The following ZBP1 variants were observed in gnomAD, a reference collection of about 807,000 sequenced individuals.
ZBP1 encodes Z-DNA-binding protein 1.
A neutral mutation model predicts 41.1 loss-of-function variants in ZBP1; 42 were observed. That is an observed-to-expected ratio of 1.02 (90% CI 0.80 to 1.32). The LOEUF is 1.32. Among genes scored for constraint, ZBP1 ranks in the 40% most tolerant of loss-of-function variants. The pLI, the probability that ZBP1 is intolerant of heterozygous loss-of-function variation, is 0.00. For missense variants in ZBP1, 562 were observed against 549.7 expected, an observed-to-expected ratio of 1.02 and a Z score of -0.22; for synonymous variants, 214 against 205.2, an observed-to-expected ratio of 1.04 and a Z score of -0.37.
rs754817223 is a variant in ZBP1 at position 57,616,341 on chromosome 20, C to G, written c.162G>C (p.Lys54Asn). Residue 54 changes from lysine (K) to asparagine (N), a missense_variant, in exon 2 of 8, where the codon AAG becomes AAC. Physicochemically the swap from Lys to Asn is moderately conservative, Grantham distance 94 (BLOSUM62 0). Coordinates refer to ENST00000371173, the MANE Select transcript of ZBP1 (RefSeq NM_030776.3). ...GGGATGTGAGGGAGACTTTCAACTC[C>G]TTTTTCATTCGGTAGAGGACTTGGT... is the stretch of plus-strand genomic sequence containing the variant. Reference protein sequence around the residue: ...ELNQVLYRMKKELKVSLTSPA... With the variant: ...ELNQVLYRMKNELKVSLTSPA... The G allele has an allele frequency of 2.5e-6, 4 of 1,614,192 alleles. No homozygotes were observed. The highest frequency in any genetic ancestry group is 1.1e-5 in the South Asian group (1 of 91,086).
chr20:57,617,481 C>T (rs976009882), intron 1 of ZBP1: 1 of 152,396 alleles, frequency 6.6e-6, no homozygotes, highest in Admixed American at 6.5e-5. Flanking sequence ...GTTGTACCTT[C>T]AGCATCTAGC....
chr20:57,619,520 A>G (rs143404153), intron 1 of ZBP1, among the ~76,000 whole-genome samples: 1 of 152,374 alleles, frequency 6.6e-6, no homozygotes, highest in African/African-American at 2.4e-5. Flanking sequence ...CAACTCTTCC[A>G]GGAATAAAAT....
Position 57,610,791 on chromosome 20 carries a change from G to C in ZBP1, c.875-424C>G. The C allele has an allele frequency of 3.7e-6, 1 of 266,746 alleles. No individual in the cohort carries two copies. Among genetic ancestry groups the C allele is most frequent in the South Asian group, 4.3e-5 (1 of 23,504 alleles). 16.5% of individuals were successfully genotyped at this position (266,746 alleles called of 1,614,324 possible). On this transcript the variant is annotated intron_variant, in intron 6 of 7. Coordinates refer to ENST00000371173, the MANE Select transcript of ZBP1 (RefSeq NM_030776.3). This position sits in a 1 kb window ranked among gnomAD's most constrained non-coding sequence, Gnocchi z 5.5. ...GCCCTTTCCCACCCAAACTTCTGAA[G>C]AATCATCCACACTGAGTCCCGCCCC...
At position 57,610,329 on chromosome 20, in the gene ZBP1, C is replaced by G; in HGVS notation, c.913G>C (p.Ala305Pro). 1.2e-6 allele frequency: 2 copies of G among 1,614,164 alleles called. No homozygotes were observed. Among genetic ancestry groups the G allele is most frequent in the Non-Finnish European group, 1.7e-6 (2 of 1,180,020 alleles). ...TGAGTTCCTGGACTGGGAATTCTTG[C>G]TTCAAACGAAGCTTCTGGGCCGGCA... is the stretch of plus-strand genomic sequence containing the variant. ...TAAGPEASFE[A>P]RIPSPGTHPE... The change falls in exon 7 of 8, where the codon GCA (alanine) becomes CCA (proline). Residue 305 changes from alanine to proline, a missense_variant. Transcript: ENST00000371173. This position sits in a 1 kb window ranked among gnomAD's most constrained non-coding sequence, Gnocchi z 5.5.
intron 5 of ZBP1, chr20:57,612,746 G>T: frequency 7.4e-6 from 2 of 270,282 alleles, no homozygotes; most frequent in Non-Finnish European, 6.0e-6. Flanking sequence ...GGAAAGTAGC[G>T]TGTCTCAGAA....
Position 57,604,599 on chromosome 20 carries a change from C to T in ZBP1, c.1264G>A (p.Gly422Arg), listed in dbSNP as rs751574355. 3.1e-6 allele frequency: 5 copies of T among 1,614,116 alleles called. No individual in the cohort carries two copies. In the East Asian group the frequency reaches 6.7e-5, roughly 22 times the overall value. Residue 422 changes from glycine (G) to arginine (R), a missense_variant, in exon 8 of 8, where the codon GGG becomes AGG. By Grantham distance (125) the Gly-to-Arg change is moderately radical. Transcript: ENST00000371173. ...TAAATCCCACCTCCCCACCAGCTCCCCTCGTGTGAGGCTTCATCCACATAG... is the reference window on the plus strand; with the variant it reads ...TAAATCCCACCTCCCCACCAGCTCCTCTCGTGTGAGGCTTCATCCACATAG... Reference protein sequence around the residue: ...SHYVDEASHEGSWWGGGI With the variant: ...SHYVDEASHERSWWGGGI
Position 57,610,264 on chromosome 20 carries a change from C to A in ZBP1, c.978G>T (p.Ser326=). ...CGATGGTGGCGTCCTCGAGAAAGCACGATTTCATGTGGATTCTCTGGGCGG... is the reference window on the plus strand; with the variant it reads ...CGATGGTGGCGTCCTCGAGAAAGCAAGATTTCATGTGGATTCTCTGGGCGG... ...GEAAQRIHMK[S]CFLEDATIGN... The change falls in exon 7 of 8, where the codon TCG becomes TCT. Residue 326 remains serine, a synonymous_variant. Coordinates refer to ENST00000371173, the MANE Select transcript of ZBP1 (RefSeq NM_030776.3). This position sits in a 1 kb window ranked among gnomAD's most constrained non-coding sequence, Gnocchi z 5.5. 1 of 1,614,140 alleles carries A rather than the reference C, an allele frequency of 6.2e-7. No individual in the cohort carries two copies. The highest frequency in any genetic ancestry group is 8.5e-7 in the Non-Finnish European group (1 of 1,180,018).
At position 57,616,486 on chromosome 20, in the gene ZBP1, G is replaced by A; in HGVS notation, c.35-18C>T. 6.2e-7 allele frequency: 1 copy of A among 1,611,676 alleles called. No homozygotes were observed. Among genetic ancestry groups the A allele is most frequent in the Non-Finnish European group, 8.5e-7 (1 of 1,179,498 alleles). On this transcript the variant is annotated intron_variant, in intron 1 of 7. Transcript: ENST00000371173. The stretch of plus-strand genomic sequence containing the variant: ...AAGGTGGCCTGGGGGAGCGAGCGGG[G>A]GACAGAGAGGGGAACTGAGTCTCCC...
chr20:57,611,589 T>C, intron 6 of ZBP1, 138 bp downstream of exon 6: 1 of 993,896 alleles, frequency 1.0e-6, no homozygotes, highest in Non-Finnish European at 1.5e-6. Context: ...CCACCTGCTC[T>C]ACTCTGGTTC....
At position 57,610,290 on chromosome 20, in the gene ZBP1, CT is replaced by C. The variant is rs1399718042; in HGVS notation, c.951del (p.Ala318ProfsTer7). ...GATTTCATGTGGATTCTCTGGGCGG[CT>C]TCCCCCTCAGGGTGAGTTCCTGGAC... ...IPSPGTHPEG[E>X]AAQRIHMKSC... On this transcript the variant is annotated frameshift_variant, in exon 7 of 8. Transcript: ENST00000371173. LOFTEE classifies it high-confidence loss of function. This position sits in a 1 kb window ranked among gnomAD's most constrained non-coding sequence, Gnocchi z 5.5. 1.9e-6 allele frequency: 3 copies of C among 1,614,052 alleles called. No homozygotes were observed. The Admixed American group carries it at 5.0e-5, about 27-fold the overall frequency.
Position 57,607,021 on chromosome 20 carries a change from G to T in ZBP1, c.1094-2252C>A, listed in dbSNP as rs553858462. The T allele has an allele frequency of 2.4e-5, 30 of 1,275,150 alleles. No homozygotes were observed. In the African/African-American group the frequency reaches 4.4e-4, roughly 19 times the overall value. 79.0% of individuals were successfully genotyped at this position (1,275,150 alleles called of 1,614,324 possible). A position where few individuals can be genotyped will look rare whatever the true frequency, so the allele number is the denominator to read the frequency against. On this transcript the variant is annotated intron_variant, in intron 7 of 7. Coordinates refer to ENST00000371173, the MANE Select transcript of ZBP1 (RefSeq NM_030776.3). ...TGCCTGCTAGCACAGCATCCATTCT[G>T]CAGCCCATGGATTAAGGAGTAACTT... is the stretch of plus-strand genomic sequence containing the variant.
intron 7 of ZBP1, among the ~76,000 whole-genome samples, chr20:57,607,523 G>A (rs148776166): frequency 6.3e-4 from 96 of 152,350 alleles, no homozygotes; most frequent in African/African-American, 2.1e-3. Flanking sequence ...AACCTAGTTG[G>A]TAAAGCAGCA....
intron 5 of ZBP1, among the ~76,000 whole-genome samples, chr20:57,612,375 G>T (rs561840178): frequency 6.6e-6 from 1 of 152,136 alleles, no homozygotes; most frequent in African/African-American, 2.4e-5. Context: ...TTTTAAAAAG[G>T]TGCACTACTC....
At chr20:57,614,429 A>G (rs2070760858) in intron 4 of ZBP1, among the ~76,000 whole-genome samples, 1 of 152,088 alleles carries the variant, frequency 6.6e-6, no homozygotes, top group African/African-American at 2.4e-5. Flanking sequence ...AATGCCATGC[A>G]CCTATTGGAT....
In ZBP1 at chr20:57,616,705, G is replaced by A. The variant is rs540809748; in HGVS notation, c.35-237C>T. Reference sequence around the variant, plus strand: ...CTTGGCTGCGCAGCCTGGTGGCCAGGGGAGGTGCCACCTCGCCTGTGCCCT... The same window carrying A: ...CTTGGCTGCGCAGCCTGGTGGCCAGAGGAGGTGCCACCTCGCCTGTGCCCT... On this transcript the variant is annotated intron_variant, in intron 1 of 7. Coordinates refer to ENST00000371173, the MANE Select transcript of ZBP1 (RefSeq NM_030776.3). 6 of 541,802 alleles carry A rather than the reference G, an allele frequency of 1.1e-5. No individual in the cohort carries two copies. The African/African-American group carries it at 1.1e-4, about 10-fold the overall frequency. The allele number at this position is 541,802 out of a possible 1,614,324, so 33.6% of individuals were successfully genotyped here.
At chr20:57,616,209 C>T in intron 2 of ZBP1, 35 bp downstream of exon 2, 2 of 1,600,686 alleles carry the variant, frequency 1.2e-6, no homozygotes, top group Non-Finnish European at 1.7e-6. Flanking sequence ...ATGCTCCCTG[C>T]AGGGTCAGAC....
rs765287829 is a variant in ZBP1, at chr20:57,604,758, C to T, written c.1105G>A (p.Ala369Thr). 79 of 1,613,176 alleles carry T rather than the reference C, an allele frequency of 4.9e-5. 1 individual carries two copies. The highest frequency in any genetic ancestry group is 4.2e-4 in the South Asian group (38 of 91,006). ...EPGEDAGRRP[A>T]DTQSRSHFPR... ...AAGTGACTTCTGGATTGTGTGTCTG[C>T]GGGACGACGACCTAGGGAAGAGAAG... is the stretch of plus-strand genomic sequence containing the variant. Residue 369 changes from alanine (A) to threonine (T), a missense_variant, in exon 8 of 8, where the codon GCA becomes ACA. By Grantham distance (58) the Ala-to-Thr change is moderately conservative. Transcript: ENST00000371173.
At chr20:57,612,707 C>T (rs542254421) in intron 5 of ZBP1, among the ~76,000 whole-genome samples, 1 of 152,272 alleles carries the variant, frequency 6.6e-6, no homozygotes, top group South Asian at 2.1e-4. Flanking sequence ...GTGAGATGCA[C>T]CCCAGTTTCC....
At position 57,613,190 on chromosome 20, in the gene ZBP1, TA is replaced by T; in HGVS notation, c.642del (p.Thr215GlnfsTer31). On this transcript the variant is annotated frameshift_variant, in exon 5 of 8. Transcript: ENST00000371173. LOFTEE classifies it high-confidence loss of function. The surrounding 1 kb of genome is among the most constrained non-coding windows in gnomAD (Gnocchi z 4.5). The part of the protein sequence containing the change: ...EAIQIGHGNI[I>X]TRQTVSREDG... ...TCCTCCCTGGAGACTGTCTGTCTTG[TA>T]ATGATGTTCCCGTGTCCAATCTGGA... 6.2e-7 allele frequency: 1 copy of T among 1,614,236 alleles called. No homozygotes were observed. Among genetic ancestry groups the T allele is most frequent in the Non-Finnish European group, 8.5e-7 (1 of 1,180,038 alleles).
Sources: gnomAD v4.1 joint callset for allele counts (sites outside exome capture counted in the v4.1 genomes callset) on GRCh38, gnomAD v4.1.1 for gene constraint, Gnocchi (gnomAD v3.1) non-coding constraint, MANE v1.5 for transcripts, NCBI Gene and HGNC (gene_info 2026-07-23, HGNC 2026-07-21) for gene names.